The following SAXO3 variants were observed in gnomAD, a reference collection of about 807,000 sequenced individuals.
The protein encoded by SAXO3 is stabilizer of axonemal microtubules 3.
the SAXO3 span, chr19:49,020,212 T>C: frequency 1.7e-5 from 8 of 480,694 alleles, no homozygotes; most frequent in Non-Finnish European, 2.9e-5. Context: ...CCCTTTCCTC[T>C]GCAGTCCCTG....
chr19:49,018,537 G>C, the SAXO3 span, among the ~76,000 whole-genome samples: 82,820 of 151,842 alleles, frequency 0.55, 23,476 homozygotes, highest in Admixed American at 0.65. Context: ...CTGAGCTTTC[G>C]CATCCTAGGG....
the SAXO3 span, chr19:49,018,950 T>C: frequency 6.5e-7 from 1 of 1,534,390 alleles, no homozygotes; most frequent in Non-Finnish European, 8.7e-7. Flanking sequence ...GGTCGGATAC[T>C]GTGAAAGGCC....
the SAXO3 span, chr19:49,018,256 C>T: frequency 1.0e-5 from 10 of 952,636 alleles, no homozygotes; most frequent in African/African-American, 3.4e-5. Flanking sequence ...GCGGCCGCTG[C>T]GGGCCGTGGC....
chr19:49,019,664 G>A, the SAXO3 span: 2 of 1,255,242 alleles, frequency 1.6e-6, no homozygotes, highest in Non-Finnish European at 2.0e-6. Flanking sequence ...GGACCCCCGC[G>A]GTGGTGGTCT....
the SAXO3 span, chr19:49,020,451 G>A: frequency 1.6e-4 from 65 of 399,268 alleles, no homozygotes; most frequent in African/African-American, 1.3e-3. Context: ...ATGGCAGTTG[G>A]GCCTGGATCC....
chr19:49,019,701 G>A, the SAXO3 span: 1 of 1,193,874 alleles, frequency 8.4e-7, no homozygotes, highest in South Asian at 2.2e-5. Flanking sequence ...GGGGCCCGAA[G>A]TATTCCGGGG....
chr19:49,018,984 G>A, the SAXO3 span: 26 of 1,533,208 alleles, frequency 1.7e-5, no homozygotes, highest in African/African-American at 3.3e-4. Context: ...GGGGTTCTTC[G>A]TCCAGGCAAT....
chr19:49,020,104 C>T, the SAXO3 span: 552 of 1,225,726 alleles, frequency 4.5e-4, 7 homozygotes, highest in South Asian at 9.1e-3. Context: ...GGTCCGCGAC[C>T]GTGGACTGGA....
At chr19:49,019,500 A>AT in the SAXO3 span, 1 of 1,060,050 alleles carries the variant, frequency 9.4e-7, no homozygotes, top group Non-Finnish European at 1.2e-6. Flanking sequence ...GCCTGGCCTA[A>AT]TGCCCAGCCC....
chr19:49,019,566 A>G, the SAXO3 span: 1 of 1,205,464 alleles, frequency 8.3e-7, no homozygotes, highest in Middle Eastern at 3.1e-4. Context: ...GCCACGCCCC[A>G]AAGCCGTGAT....
chr19:49,020,087 G>A, the SAXO3 span: 2 of 1,379,732 alleles, frequency 1.4e-6, no homozygotes, highest in African/African-American at 1.5e-5. Context: ...TGCAACTTGG[G>A]GTAGAGGGTC....
At chr19:49,019,785 G>A in the SAXO3 span, 2 of 1,231,206 alleles carry the variant, frequency 1.6e-6, no homozygotes, top group East Asian at 3.0e-5. Context: ...TGGTCAGTGG[G>A]AGGCGCCAGC....
At chr19:49,019,014 G>A in the SAXO3 span, 1 of 1,529,464 alleles carries the variant, frequency 6.5e-7, no homozygotes, top group Middle Eastern at 2.3e-4. Flanking sequence ...AGCAAGATTG[G>A]GGGAGGAGGC....
chr19:49,019,151 C>T, the SAXO3 span: 2 of 1,412,298 alleles, frequency 1.4e-6, no homozygotes, highest in Non-Finnish European at 1.8e-6. Flanking sequence ...TAGAGCCCTT[C>T]CTGCCACCCA....
At chr19:49,018,076 C>T in the SAXO3 span, 3 of 398,682 alleles carry the variant, frequency 7.5e-6, no homozygotes, top group Middle Eastern at 6.2e-4. Flanking sequence ...CGCCCCAGGG[C>T]GCCTCCAGCG....
the SAXO3 span, among the ~76,000 whole-genome samples, chr19:49,018,505 G>C: frequency 3.2e-4 from 49 of 152,206 alleles, no homozygotes; most frequent in East Asian, 8.5e-3. Flanking sequence ...CTGGGTCCTC[G>C]AGGTACTTAA....
chr19:49,020,194 G>A, the SAXO3 span: 3 of 501,654 alleles, frequency 6.0e-6, no homozygotes, highest in East Asian at 3.5e-5. Context: ...CTTCCAGTCG[G>A]CCCCCAGCCC....
chr19:49,018,243 A>C, the SAXO3 span: 2 of 818,870 alleles, frequency 2.4e-6, no homozygotes, highest in Non-Finnish European at 1.6e-6. Flanking sequence ...GAGCGCGGAC[A>C]GGGCGGCCGC....
At chr19:49,018,098 T>C in the SAXO3 span, 1 of 399,144 alleles carries the variant, frequency 2.5e-6, no homozygotes, top group Non-Finnish European at 4.4e-6. Flanking sequence ...GCAGAAGCGG[T>C]CGAGCCGCCG....
Sources: allele counts gnomAD v4.1 joint callset (sites outside exome capture counted in the v4.1 genomes callset), GRCh38; gene constraint gnomAD v4.1.1; transcripts MANE v1.5; gene names NCBI Gene and HGNC (gene_info 2026-07-23, HGNC 2026-07-21).